Variants in VWA3B observed in about 807,000 individuals in gnomAD.
VWA3B encodes the protein von Willebrand factor A domain-containing protein 3B.
Under a neutral mutation model 158.3 loss-of-function variants are expected in VWA3B, and 138 were observed. The observed-to-expected ratio is 0.87, with a 90% CI of 0.76 to 1.00. VWA3B has a LOEUF of 1.00. VWA3B is among the 50% of genes least tolerant of loss of function. VWA3B has a pLI of 0.00. For missense variants in VWA3B, 1,555 were observed against 1,565.1 expected, an observed-to-expected ratio of 0.99 and a Z score of 0.11; for synonymous variants, 596 against 587.3, an observed-to-expected ratio of 1.01 and a Z score of -0.21.
rs1315190263 is a variant in VWA3B, at chr2:98,162,772, T to C, written c.989-79T>C. The stretch of plus-strand genomic sequence containing the variant: ...AAATGTTCCAGAAACTTGGCTGCAA[T>C]GCGTCAGGCCTGCTAGGCGGGCTGC... On this transcript the variant is annotated intron_variant, in intron 7 of 27. Coordinates refer to ENST00000477737, the MANE Select transcript of VWA3B (RefSeq NM_144992.5). 3.2e-6 allele frequency: 5 copies of C among 1,543,894 alleles called. No individual in the cohort carries two copies. In the African/African-American group the frequency reaches 5.5e-5, roughly 17 times the overall value.
rs1244292702 is a variant in VWA3B at position 98,184,690 on chromosome 2, A to G, written c.1312-3285A>G. 3.3e-5 allele frequency among the ~76,000 whole-genome samples: 5 copies of G among 152,264 alleles called. No homozygotes were observed. The South Asian group carries it at 8.3e-4, about 25-fold the overall frequency. ...GCTTCCAGGCCTCTGAAACGTTCCC[A>G]TTGGATGCTTACCGGGGCTCCTCTC... On this transcript the variant is annotated intron_variant, in intron 9 of 27. Coordinates refer to ENST00000477737, the MANE Select transcript of VWA3B (RefSeq NM_144992.5).
chr2:98,281,058 C>T (rs1047071238), intron 22 of VWA3B, among the ~76,000 whole-genome samples: 3 of 152,210 alleles, frequency 2.0e-5, no homozygotes, highest in Non-Finnish European at 4.4e-5. Context: ...CTCCCCGCCC[C>T]GGAGATGCTG....
At chr2:98,169,771 C>G (rs149204928) in intron 8 of VWA3B, among the ~76,000 whole-genome samples, 3 of 144,548 alleles carry the variant, frequency 2.1e-5, no homozygotes, top group East Asian at 4.2e-4. Context: ...GTCGGTGTGC[C>G]TGTTCTGGGC....
chr2:98,173,916 C>T (rs1462196694), intron 8 of VWA3B, among the ~76,000 whole-genome samples: 2 of 151,600 alleles, frequency 1.3e-5, no homozygotes, highest in Non-Finnish European at 2.9e-5. Context: ...GCAGTGAGCC[C>T]AGATCGCACC....
the VWA3B span, among the ~76,000 whole-genome samples, chr2:98,319,954 A>G: frequency 6.6e-6 from 1 of 152,052 alleles, no homozygotes; most frequent in Non-Finnish European, 1.5e-5. Context: ...ACTGTCAATA[A>G]TGTGCCAATA....
chr2:98,236,360 A>G, intron 17 of VWA3B, 30 bp from the exon 18 acceptor site: 1 of 1,613,478 alleles, frequency 6.2e-7, no homozygotes, highest in African/African-American at 1.3e-5. Context: ...ATGTGAGGAA[A>G]ATATACAACT....
chr2:98,279,376 G>T (rs1274437962), intron 22 of VWA3B, among the ~76,000 whole-genome samples: 1 of 152,004 alleles, frequency 6.6e-6, no homozygotes, highest in African/African-American at 2.4e-5. Context: ...CTGGAGATTC[G>T]GCTGGGCAGA....
At chr2:98,223,721 CTTTTA>C (rs970657252) in intron 14 of VWA3B, among the ~76,000 whole-genome samples, 2 of 152,182 alleles carry the variant, frequency 1.3e-5, no homozygotes, top group Admixed American at 6.5e-5. Context: ...TATTATTTTA[CTTTTA>C]TTTTATTTTA....
At chr2:98,189,770 T>A (rs1681421897) in intron 10 of VWA3B, among the ~76,000 whole-genome samples, 1 of 152,230 alleles carries the variant, frequency 6.6e-6, no homozygotes, top group Non-Finnish European at 1.5e-5. Context: ...TTTAAGATTG[T>A]TATGTTCTCT....
chr2:98,188,280 A>C (rs561594641), intron 10 of VWA3B, 151 bp downstream of exon 10: 2 of 1,071,108 alleles, frequency 1.9e-6, no homozygotes, highest in South Asian at 3.7e-5. Context: ...GTGTGTATAC[A>C]ATGTACAAAG....
intron 7 of VWA3B, among the ~76,000 whole-genome samples, chr2:98,155,529 C>T (rs879746002): frequency 3.9e-5 from 6 of 152,126 alleles, no homozygotes; most frequent in East Asian, 1.9e-4. Context: ...ATCTGTAAAA[C>T]GGGGATGATG....
In VWA3B at chr2:98,250,410, G is replaced by A. The variant is rs193177922; in HGVS notation, c.2766G>A (p.Val922=). 1 of 1,611,880 alleles carries A rather than the reference G, an allele frequency of 6.2e-7. No homozygotes were observed. The change falls in exon 20 of 28, where the codon GTG becomes GTA. Residue 922 remains valine, a synonymous_variant. Transcript: ENST00000477737. ...AACTCAATATCTACAAGCGAAAAGT[G>A]GAACAGGCAATTCAATCCTATGAAA... The part of the protein sequence containing the change: ...GAKLNIYKRK[V]EQAIQSYEKR...
intron 23 of VWA3B, among the ~76,000 whole-genome samples, chr2:98,295,800 T>C (rs1375101990): frequency 6.6e-6 from 1 of 152,028 alleles, no homozygotes; most frequent in Non-Finnish European, 1.5e-5. Context: ...ACACAAGAAA[T>C]GGTTGCAGTC....
chr2:98,193,129 A>G (rs1681741531), intron 11 of VWA3B, 93 bp downstream of exon 11: 26 of 1,471,446 alleles, frequency 1.8e-5, no homozygotes, highest in Non-Finnish European at 2.7e-6. Flanking sequence ...AAAAATTCCT[A>G]AGAAAGCCAA....
chr2:98,154,486 G>A (rs1037448280), intron 7 of VWA3B, among the ~76,000 whole-genome samples: 1 of 152,102 alleles, frequency 6.6e-6, no homozygotes, highest in East Asian at 1.9e-4. Context: ...ACTAAGGAGA[G>A]TAAGCCCCTA....
rs565344067 is a variant in VWA3B, at chr2:98,230,475, A to G, written c.2308+268A>G. Among the ~76,000 whole-genome samples the G allele has an allele frequency of 2.6e-5, 4 of 152,282 alleles. No homozygotes were observed. In the South Asian group the frequency reaches 6.2e-4, roughly 24 times the overall value. ...TGATGCAATCCACAGGTCTTATTCA[A>G]ATCGTCCAGTTTTACTTGTACCCGT... On this transcript the variant is annotated intron_variant, in intron 16 of 27. Coordinates refer to ENST00000477737, the MANE Select transcript of VWA3B (RefSeq NM_144992.5).
chr2:98,168,366 T>TACAC lies in VWA3B; in HGVS notation c.1114+5396_1114+5399dup, dbSNP rs34948576. The stretch of plus-strand genomic sequence containing the variant: ...ATCAGTTCCCTTTGTTTCAATCTAA[T>TACAC]ACACACACATACACACACACACACA... On this transcript the variant is annotated intron_variant, in intron 8 of 27. Coordinates refer to ENST00000477737, the MANE Select transcript of VWA3B (RefSeq NM_144992.5). Among the ~76,000 whole-genome samples, 7 of 107,788 alleles carry TACAC rather than the reference T, an allele frequency of 6.5e-5. No individual in the cohort carries two copies. In the East Asian group the frequency reaches 1.4e-3, roughly 21 times the overall value. 70.7% of individuals were successfully genotyped at this position (107,788 alleles called of 152,430 possible). A position where few individuals can be genotyped will look rare whatever the true frequency, so the allele number is the denominator to read the frequency against.
intron 7 of VWA3B, among the ~76,000 whole-genome samples, chr2:98,157,313 T>A (rs1043361725): frequency 6.6e-6 from 1 of 152,204 alleles, no homozygotes; most frequent in African/African-American, 2.4e-5. Flanking sequence ...AATGAATGGT[T>A]AATTTCCATA....
intron 5 of VWA3B, 110 bp from the exon 6 acceptor site, chr2:98,128,129 T>C (rs951605391): frequency 1.5e-6 from 2 of 1,341,376 alleles, no homozygotes; most frequent in South Asian, 2.8e-5. Context: ...TGCTATTCTT[T>C]CTGCCCATTT....
Sources: gnomAD v4.1 joint callset for allele counts (sites outside exome capture counted in the v4.1 genomes callset) on GRCh38, gnomAD v4.1.1 for gene constraint, MANE v1.5 for transcripts, NCBI Gene and HGNC (gene_info 2026-07-23, HGNC 2026-07-21) for gene names.